Variants in CDH12 observed in about 807,000 individuals in gnomAD.
The protein encoded by CDH12 is cadherin 12, also known as cadherin-12.
CDH12 carries 41 observed loss-of-function variants against 74.1 expected under a neutral mutation model. The observed-to-expected ratio is 0.55, with a 90% CI of 0.43 to 0.72. The LOEUF is 0.72. CDH12 is among the 30% of genes least tolerant of loss of function. The pLI, the probability that CDH12 is intolerant of heterozygous loss-of-function variation, is 0.00. For synonymous variants in CDH12, 399 were observed against 355.0 expected (o/e 1.12, Z -1.39); for missense variants, 945 against 977.2 (o/e 0.97, Z 0.44).
intron 3 of CDH12, among the ~76,000 whole-genome samples, chr5:22,364,693 G>T (rs1740958121): frequency 6.6e-6 from 1 of 152,168 alleles, no homozygotes; most frequent in Non-Finnish European, 1.5e-5. Flanking sequence ...ATGAATAAAT[G>T]AATGCTTTCA....
At chr5:22,467,922 T>C (rs1054705646) in intron 2 of CDH12, among the ~76,000 whole-genome samples, 8 of 152,234 alleles carry the variant, frequency 5.3e-5, no homozygotes, top group African/African-American at 1.7e-4. Context: ...CTGTAATGAT[T>C]CATAAGATTC....
At chr5:22,319,844 A>G (rs1173193680) in intron 3 of CDH12, among the ~76,000 whole-genome samples, 1 of 151,812 alleles carries the variant, frequency 6.6e-6, no homozygotes, top group Non-Finnish European at 1.5e-5. Flanking sequence ...GAAAAGGGGA[A>G]GGAAGAGGAG....
At chr5:22,397,518 C>G (rs1337734016) in intron 3 of CDH12, among the ~76,000 whole-genome samples, 1 of 148,148 alleles carries the variant, frequency 6.8e-6, no homozygotes, top group African/African-American at 2.5e-5. Context: ...GTATCATTGG[C>G]TTAATGGAAG....
At chr5:22,336,028 G>A (rs1739566529) in intron 3 of CDH12, among the ~76,000 whole-genome samples, 1 of 152,128 alleles carries the variant, frequency 6.6e-6, no homozygotes, top group Non-Finnish European at 1.5e-5. Context: ...CCAAGCTGAG[G>A]TGGTTGCAGA....
At chr5:22,643,816 T>C (rs1251060908) in intron 1 of CDH12, among the ~76,000 whole-genome samples, 1 of 149,858 alleles carries the variant, frequency 6.7e-6, no homozygotes, top group Non-Finnish European at 1.5e-5. Context: ...CAGTACCATT[T>C]TTCCAACGGC....
intron 6 of CDH12, among the ~76,000 whole-genome samples, chr5:21,911,477 G>A (rs1052414639): frequency 5.9e-5 from 9 of 151,874 alleles, no homozygotes; most frequent in African/African-American, 2.2e-4. Context: ...TATTGATAAT[G>A]GTTTTTATTT....
At chr5:21,794,294 A>G (rs79543920) in intron 10 of CDH12, among the ~76,000 whole-genome samples, 1 of 151,004 alleles carries the variant, frequency 6.6e-6, no homozygotes, top group African/African-American at 2.4e-5. Flanking sequence ...TTTGTTTTTC[A>G]TTTAGTAAAA....
In CDH12 at chr5:22,006,955, C is replaced by T. The variant is rs187920844; in HGVS notation, c.232-31570G>A. On this transcript the variant is annotated intron_variant, in intron 5 of 14. Coordinates refer to ENST00000382254, the MANE Select transcript of CDH12 (RefSeq NM_004061.5). ...TACGAGTCATTTCCTTTAATATTGG[C>T]CTATGAATCATAAACAAATAATTCA... Among the ~76,000 whole-genome samples the T allele has an allele frequency of 3.5e-3, 525 of 151,824 alleles. 1 individual carries two copies. Among genetic ancestry groups the T allele is most frequent in the African/African-American group, 0.012 (510 of 41,416 alleles).
chr5:21,861,724 C>G (rs1561250810), intron 6 of CDH12, among the ~76,000 whole-genome samples: 1 of 152,068 alleles, frequency 6.6e-6, no homozygotes, highest in African/African-American at 2.4e-5. Flanking sequence ...GATCAAAAAG[C>G]ATATAGATTC....
intron 5 of CDH12, among the ~76,000 whole-genome samples, chr5:22,007,431 T>C (rs114721679): frequency 0.01 from 1,521 of 149,792 alleles, 23 homozygotes; most frequent in African/African-American, 0.034. Context: ...CATACTGTTG[T>C]ACACCATAAA....
At chr5:22,190,367 TC>T (rs1347632723) in intron 4 of CDH12, among the ~76,000 whole-genome samples, 22 of 130,520 alleles carry the variant, frequency 1.7e-4, no homozygotes, top group Non-Finnish European at 3.0e-4. Flanking sequence ...TGTCTATCTA[TC>T]TATCTATCTA....
intron 1 of CDH12, among the ~76,000 whole-genome samples, chr5:22,800,422 C>A (rs1325348343): frequency 1.3e-5 from 2 of 152,076 alleles, no homozygotes; most frequent in African/African-American, 2.4e-5. Flanking sequence ...AGGTTCACAG[C>A]AAAATTGAGA....
intron 1 of CDH12, among the ~76,000 whole-genome samples, chr5:22,828,161 GC>G (rs778092781): frequency 7.9e-5 from 12 of 152,052 alleles, no homozygotes. Flanking sequence ...CAATTACATG[GC>G]AGCAGGTGGA....
At chr5:22,512,080 C>T (rs1381547997) in intron 1 of CDH12, among the ~76,000 whole-genome samples, 6 of 151,782 alleles carry the variant, frequency 4.0e-5, no homozygotes, top group Non-Finnish European at 8.8e-5. Context: ...ACCTAACACC[C>T]AAGGGGAACA....
intron 3 of CDH12, chr5:22,277,974 C>T (rs117600889): frequency 6.6e-6 from 1 of 152,218 alleles, no homozygotes; most frequent in Non-Finnish European, 1.5e-5. Context: ...GAGGAATGAC[C>T]TTGTGGAAAA....
chr5:22,730,581 T>C (rs1744383240), intron 1 of CDH12, among the ~76,000 whole-genome samples: 1 of 151,784 alleles, frequency 6.6e-6, no homozygotes, highest in African/African-American at 2.4e-5. Context: ...CAAAGAACAG[T>C]GTCACAAATA....
chr5:22,322,091 T>G (rs1274370412), intron 3 of CDH12, among the ~76,000 whole-genome samples: 1 of 152,194 alleles, frequency 6.6e-6, no homozygotes, highest in African/African-American at 2.4e-5. Context: ...AACCACACAT[T>G]CAGTATTCAC....
intron 6 of CDH12, among the ~76,000 whole-genome samples, chr5:21,956,788 G>A (rs1156634246): frequency 1.8e-4 from 27 of 152,024 alleles, no homozygotes; most frequent in African/African-American, 6.0e-4. Context: ...TTCTTATTAA[G>A]CATTATTATT....
chr5:22,543,634 TA>T (rs1014190183), intron 1 of CDH12, among the ~76,000 whole-genome samples: 2 of 151,834 alleles, frequency 1.3e-5, no homozygotes, highest in African/African-American at 4.8e-5. Context: ...AGAAAATTAG[TA>T]AAAAAAAGGC....
Sources: allele counts gnomAD v4.1 joint callset (sites outside exome capture counted in the v4.1 genomes callset), GRCh38; gene constraint gnomAD v4.1.1; transcripts MANE v1.5; gene names NCBI Gene and HGNC (gene_info 2026-07-23, HGNC 2026-07-21).